RAPGEF2: variants seen among roughly 807,000 people sequenced by gnomAD.
RAPGEF2 encodes the protein Rap guanine nucleotide exchange factor 2.
In RAPGEF2, 54 loss-of-function variants were observed where a neutral mutation model predicts 186.7. The observed-to-expected ratio is 0.29, with a 90% confidence interval of 0.23 to 0.36. The LOEUF (loss-of-function observed/expected upper bound fraction) is 0.36, where lower values mean the gene tolerates loss of function less well. Ranked by LOEUF, RAPGEF2 falls within the 10% of genes least tolerant of loss-of-function variation. The pLI, the probability that RAPGEF2 is intolerant of heterozygous loss-of-function variation, is 1.00. For missense variants in RAPGEF2, 1,532 were observed against 2,045.0 expected, an observed-to-expected ratio of 0.75 and a Z score of 4.84; for synonymous variants, 712 against 705.9, an observed-to-expected ratio of 1.01 and a Z score of -0.14.
At chr4:159,333,989 T>A (rs1040997562) in intron 17 of RAPGEF2, among the ~76,000 whole-genome samples, 17 of 152,112 alleles carry the variant, frequency 1.1e-4, no homozygotes, top group African/African-American at 3.6e-4. Flanking sequence ...ATACTATTGA[T>A]TGGTTGAGTT....
At chr4:159,108,383 C>CTTTTT (rs35882271) in intron 1 of RAPGEF2, among the ~76,000 whole-genome samples, 24 of 107,524 alleles carry the variant, frequency 2.2e-4, no homozygotes, top group East Asian at 3.2e-4. Context: ...ACAGAACTTT[C>CTTTTT]TTTTTTTTTT....
intron 2 of RAPGEF2, among the ~76,000 whole-genome samples, chr4:159,192,500 T>C (rs1283430289): frequency 6.6e-6 from 1 of 152,236 alleles, no homozygotes; most frequent in African/African-American, 2.4e-5. Context: ...GGAATAGTAA[T>C]TCTCTGATTT....
At chr4:159,115,111 C>T (rs1277040714) in intron 1 of RAPGEF2, among the ~76,000 whole-genome samples, 1 of 152,110 alleles carries the variant, frequency 6.6e-6, no homozygotes, top group Non-Finnish European at 1.5e-5. Context: ...CTCCCCAGTC[C>T]CACGGATTAG....
chr4:159,209,628 A>G (rs1373088868), intron 3 of RAPGEF2, among the ~76,000 whole-genome samples: 2 of 152,214 alleles, frequency 1.3e-5, no homozygotes, highest in Non-Finnish European at 2.9e-5. Context: ...AAATTTGTCA[A>G]TATTTGTTAA....
rs1235497510 is a variant in RAPGEF2, at chr4:159,356,116, C to G, written c.4915C>G (p.Leu1639Val). ...WHKPNESDPR[L>V]APYQSQGFST... ...TAAACCGAACGAGTCTGACCCGCGCCTCGCCCCCTATCAGTCCCAAGGGTT... is the reference window on the plus strand; with the variant it reads ...TAAACCGAACGAGTCTGACCCGCGCGTCGCCCCCTATCAGTCCCAAGGGTT... The change falls in exon 29 of 30, where the codon CTC becomes GTC. Residue 1639 changes from leucine to valine, a missense_variant. Around this residue, in one of 4 missense-constraint regions of RAPGEF2, gnomAD observed 594 missense variants for 608.5 expected, o/e 0.98. Coordinates refer to ENST00000691494, the MANE Select transcript of RAPGEF2 (RefSeq NM_001394067.2). The G allele has an allele frequency of 1.9e-6, 3 of 1,614,198 alleles. No homozygotes were observed. The highest frequency in any genetic ancestry group is 2.5e-6 in the Non-Finnish European group (3 of 1,180,032).
rs1738829059 is a variant in RAPGEF2, at chr4:159,114,455, T to G, written c.69+10224T>G. 2.0e-5 allele frequency among the ~76,000 whole-genome samples: 3 copies of G among 152,070 alleles called. No individual in the cohort carries two copies. In the South Asian group the frequency reaches 6.2e-4, roughly 32 times the overall value. Reference sequence around the variant, plus strand: ...TCTTGCTATTTAGCCCAGGCTGGTCTTGAACTCCTGGGCTCAAGCGATCTT... The same window carrying G: ...TCTTGCTATTTAGCCCAGGCTGGTCGTGAACTCCTGGGCTCAAGCGATCTT... On this transcript the variant is annotated intron_variant, in intron 1 of 29. Coordinates refer to ENST00000691494, the MANE Select transcript of RAPGEF2 (RefSeq NM_001394067.2).
intron 7 of RAPGEF2, among the ~76,000 whole-genome samples, chr4:159,250,665 C>CTT (rs34304252): frequency 0.016 from 2,010 of 122,898 alleles, 24 homozygotes; most frequent in Middle Eastern, 0.052. Context: ...TAGCACTCTT[C>CTT]TTTTTTTTTT....
intron 25 of RAPGEF2, among the ~76,000 whole-genome samples, chr4:159,349,303 G>A (rs1730838321): frequency 6.6e-6 from 1 of 152,200 alleles, no homozygotes; most frequent in South Asian, 2.1e-4. Context: ...AGGCTGTAGT[G>A]CCTTCCCAAA....
At chr4:159,148,327 C>T (rs1561012726) in intron 1 of RAPGEF2, among the ~76,000 whole-genome samples, 3 of 152,112 alleles carry the variant, frequency 2.0e-5, no homozygotes, top group African/African-American at 7.2e-5. Context: ...GTTTCAATAA[C>T]TAGAGAGTAG....
At chr4:159,239,416 T>TA (rs1185310865) in intron 5 of RAPGEF2, among the ~76,000 whole-genome samples, 1 of 152,180 alleles carries the variant, frequency 6.6e-6, no homozygotes, top group Non-Finnish European at 1.5e-5. Flanking sequence ...AACACTATTT[T>TA]AAAAAACACA....
chr4:159,303,882 A>G (rs1176242816), intron 7 of RAPGEF2, among the ~76,000 whole-genome samples: 1 of 152,174 alleles, frequency 6.6e-6, no homozygotes, highest in Non-Finnish European at 1.5e-5. Flanking sequence ...ATATGGCAAT[A>G]TACTTCATCA....
rs139584710 is a variant in RAPGEF2, at chr4:159,156,530, A to G, written c.70-30112A>G. Among the ~76,000 whole-genome samples the G allele has an allele frequency of 4.2e-3, 632 of 152,170 alleles. 4 individuals carry two copies. Among genetic ancestry groups the G allele is most frequent in the African/African-American group, 0.014 (572 of 41,492 alleles). ...TTAAGTTCTAGGGTACATGTGCACA[A>G]TGTGCAGGTTTGATACATAGGTATA... On this transcript the variant is annotated intron_variant, in intron 1 of 29. Coordinates refer to ENST00000691494, the MANE Select transcript of RAPGEF2 (RefSeq NM_001394067.2).
chr4:159,194,574 T>G (rs747288796), intron 3 of RAPGEF2, among the ~76,000 whole-genome samples: 5 of 152,188 alleles, frequency 3.3e-5, no homozygotes, highest in Non-Finnish European at 7.3e-5. Context: ...CCATAATTAT[T>G]ATGATATGTA....
At chr4:159,117,438 G>C (rs1739163878) in intron 1 of RAPGEF2, among the ~76,000 whole-genome samples, 1 of 152,180 alleles carries the variant, frequency 6.6e-6, no homozygotes, top group African/African-American at 2.4e-5. Context: ...TGGAATGGGT[G>C]AGAATTCCTA....
At chr4:159,314,154 A>G (rs1347665473) in intron 8 of RAPGEF2, among the ~76,000 whole-genome samples, 2 of 152,202 alleles carry the variant, frequency 1.3e-5, no homozygotes, top group East Asian at 1.9e-4. Context: ...TCATTTTTCC[A>G]TAAGGACTGT....
intron 4 of RAPGEF2, among the ~76,000 whole-genome samples, chr4:159,234,337 G>C (rs1752981479): frequency 6.6e-6 from 1 of 151,406 alleles, no homozygotes; most frequent in Admixed American, 6.6e-5. Flanking sequence ...GATTATTTTA[G>C]AAACTTAAGG....
At chr4:159,179,612 A>G (rs1290322774) in intron 1 of RAPGEF2, among the ~76,000 whole-genome samples, 1 of 152,180 alleles carries the variant, frequency 6.6e-6, no homozygotes, top group Admixed American at 6.5e-5. Flanking sequence ...TTTTGCTGGT[A>G]GAGGCAATTC....
At chr4:159,306,318 T>TA (rs1305251887) in intron 8 of RAPGEF2, among the ~76,000 whole-genome samples, 1 of 152,154 alleles carries the variant, frequency 6.6e-6, no homozygotes, top group Non-Finnish European at 1.5e-5. Flanking sequence ...CAGTGTTTAT[T>TA]ATAGTTTTCC....
intron 7 of RAPGEF2, among the ~76,000 whole-genome samples, chr4:159,248,710 A>G (rs1363041582): frequency 6.6e-6 from 1 of 152,220 alleles, no homozygotes; most frequent in African/African-American, 2.4e-5. Context: ...GGATTGGGAA[A>G]TTGCACTATA....
Sources: gnomAD v4.1 joint callset for allele counts (sites outside exome capture counted in the v4.1 genomes callset) on GRCh38, gnomAD v4.1.1 for gene constraint, gnomAD v4.1.1 regional missense constraint, MANE v1.5 for transcripts, NCBI Gene and HGNC (gene_info 2026-07-23, HGNC 2026-07-21) for gene names.